GJA9: variants seen among roughly 807,000 people sequenced by gnomAD.
GJA9 encodes the protein gap junction protein alpha 9.
Under a neutral mutation model 0.4 loss-of-function variants are expected in GJA9, and 1 was observed. The ratio of observed to expected loss-of-function variants is 2.50; its 90% CI spans 0.89 to 11.88. The LOEUF (loss-of-function observed/expected upper bound fraction) is 11.88. Among genes scored for constraint, GJA9 ranks in the 30% most tolerant of loss-of-function variants. GJA9 has a pLI of 0.12. For synonymous variants in GJA9, 190 were observed against 219.1 expected (o/e 0.87, Z 1.17); for missense variants, 550 against 602.8 (o/e 0.91, Z 0.92).
At chr1:38,880,570 T>C (rs945755641) in intron 1 of GJA9, among the ~76,000 whole-genome samples, 4 of 150,470 alleles carry the variant, frequency 2.7e-5, no homozygotes, top group African/African-American at 9.7e-5. Context: ...GATTACGAGG[T>C]CAGGAGTTCG....
At chr1:38,879,805 C>CA (rs1225779934) in intron 1 of GJA9, among the ~76,000 whole-genome samples, 1 of 152,116 alleles carries the variant, frequency 6.6e-6, no homozygotes, top group Non-Finnish European at 1.5e-5. Flanking sequence ...CGGCTCACTG[C>CA]AAGCTCCGCC....
chr1:38,874,392 A>G lies in GJA9; in HGVS notation c.*159T>C, dbSNP rs762508929. The G allele has an allele frequency of 1.6e-5, 9 of 572,518 alleles. No individual in the cohort carries two copies. The highest frequency in any genetic ancestry group is 2.7e-5 in the Non-Finnish European group (9 of 328,378). 35.5% of individuals were successfully genotyped at this position (572,518 alleles called of 1,614,324 possible). A position where few individuals can be genotyped will look rare whatever the true frequency, so the allele number is the denominator to read the frequency against. On this transcript the variant is annotated 3_prime_UTR_variant, in exon 2 of 2. Coordinates refer to ENST00000357771, the MANE Select transcript of GJA9 (RefSeq NM_030772.5). ...TTGAATTTAGAAGTGTTGCTTCACA[A>G]TCTCGAATTAGAGCTGTTTTTCTCT...
At chr1:38,881,331 T>G in intron 1 of GJA9, 101 bp downstream of exon 1, 2 of 551,078 alleles carry the variant, frequency 3.6e-6, no homozygotes, top group South Asian at 4.8e-5. Flanking sequence ...ACATAAAAAC[T>G]GGTATACATA....
intron 1 of GJA9, among the ~76,000 whole-genome samples, chr1:38,878,161 C>G (rs1220668976): frequency 6.6e-6 from 1 of 151,898 alleles, no homozygotes; most frequent in Admixed American, 6.6e-5. Context: ...CCACTGCAAC[C>G]TCCACTTCCC....
chr1:38,874,282 G>A lies in GJA9; in HGVS notation c.*269C>T. On this transcript the variant is annotated 3_prime_UTR_variant, in exon 2 of 2. Transcript: ENST00000357771. ...GATCAAACCATTTAGCCTCAATTCTGAACATGTGATTTTCCCAAAATCAGT... is the reference window on the plus strand; with the variant it reads ...GATCAAACCATTTAGCCTCAATTCTAAACATGTGATTTTCCCAAAATCAGT... 1 of 399,450 alleles carries A rather than the reference G, an allele frequency of 2.5e-6. No individual in the cohort carries two copies. Among genetic ancestry groups the A allele is most frequent in the Non-Finnish European group, 4.5e-6 (1 of 221,130 alleles). 24.7% of individuals were successfully genotyped at this position (399,450 alleles called of 1,614,324 possible).
Position 38,875,038 on chromosome 1 carries a change from G to C in GJA9, c.1061C>G (p.Thr354Ser). 1 of 1,613,986 alleles carries C rather than the reference G, an allele frequency of 6.2e-7. No individual in the cohort carries two copies. Among genetic ancestry groups the C allele is most frequent in the Non-Finnish European group, 8.5e-7 (1 of 1,179,936 alleles). The change falls in exon 2 of 2, where the codon ACT becomes AGT. Residue 354 changes from threonine (T) to serine (S), a missense_variant. Coordinates refer to ENST00000357771, the MANE Select transcript of GJA9 (RefSeq NM_030772.5). Reference protein sequence around the residue: ...QHISSNNNKDTHKIFGKELNG... With the variant: ...QHISSNNNKDSHKIFGKELNG... The stretch of plus-strand genomic sequence containing the variant: ...AAGTTCTTTTCCAAATATTTTATGA[G>C]TGTCTTTGTTATTGTTTGAACTGAT...
At chr1:38,877,551 C>CAGTG (rs956948662) in intron 1 of GJA9, among the ~76,000 whole-genome samples, 1 of 151,760 alleles carries the variant, frequency 6.6e-6, no homozygotes, top group African/African-American at 2.4e-5. Context: ...GGCTGGAGTG[C>CAGTG]AGTGGCGCAA....
At chr1:38,881,234 AT>A (rs1290760654) in intron 1 of GJA9, among the ~76,000 whole-genome samples, 197 bp downstream of exon 1, 1 of 152,144 alleles carries the variant, frequency 6.6e-6, no homozygotes, top group African/African-American at 2.4e-5. Flanking sequence ...GAAAGAAAAT[AT>A]TTTTTTCATA....
Position 38,876,005 on chromosome 1 carries a change from A to G in GJA9, c.94T>C (p.Phe32Leu). The G allele has an allele frequency of 6.2e-7, 1 of 1,614,224 alleles. No homozygotes were observed. The highest frequency in any genetic ancestry group is 8.5e-7 in the Non-Finnish European group (1 of 1,180,042). Reference protein sequence around the residue: ...GKIWLTILFIFRMLVLGVAAE... With the variant: ...GKIWLTILFILRMLVLGVAAE... ...GCTACACCCAGAACAAGCATTCGAAATATGAACAGGATGGTGAGCCAGATC... is the reference window on the plus strand; with the variant it reads ...GCTACACCCAGAACAAGCATTCGAAGTATGAACAGGATGGTGAGCCAGATC... The change falls in exon 2 of 2, where the codon TTT becomes CTT. Residue 32 changes from phenylalanine (F) to leucine (L), a missense_variant. Coordinates refer to ENST00000357771, the MANE Select transcript of GJA9 (RefSeq NM_030772.5).
intron 1 of GJA9, among the ~76,000 whole-genome samples, chr1:38,877,658 C>T (rs576364907): frequency 5.9e-5 from 9 of 152,080 alleles, no homozygotes; most frequent in South Asian, 2.1e-4. Flanking sequence ...CAACACCCCC[C>T]GGGATAATTT....
At chr1:38,880,526 G>A (rs894577838) in intron 1 of GJA9, among the ~76,000 whole-genome samples, 1 of 151,608 alleles carries the variant, frequency 6.6e-6, no homozygotes, top group Non-Finnish European at 1.5e-5. Context: ...GCTCACGCCT[G>A]TAATCCCAGC....
rs774247987 is a variant in GJA9, at chr1:38,876,028, A to T, written c.71T>A (p.Ile24Asn). The change falls in exon 2 of 2, where the codon ATC (isoleucine) becomes AAC (asparagine). Residue 24 changes from isoleucine to asparagine, a missense_variant. By Grantham distance (149) the Ile-to-Asn change is moderately radical (BLOSUM62 -3). Transcript: ENST00000357771. ...AAATATGAACAGGATGGTGAGCCAGATCTTTCCAATCATGGTGGAGTGGAT... is the reference window on the plus strand; with the variant it reads ...AAATATGAACAGGATGGTGAGCCAGTTCTTTCCAATCATGGTGGAGTGGAT... ...VHIHSTMIGK[I>N]WLTILFIFRM... 2 of 1,614,176 alleles carry T rather than the reference A, an allele frequency of 1.2e-6. No homozygotes were observed. The highest frequency in any genetic ancestry group is 1.7e-6 in the Non-Finnish European group (2 of 1,180,044).
At position 38,875,077 on chromosome 1, in the gene GJA9, C is replaced by A; in HGVS notation, c.1022G>T (p.Ser341Ile). Reference protein sequence around the residue: ...NEISTLSTSCSHFQHISSNNN... With the variant: ...NEISTLSTSCIHFQHISSNNN... ...GTTTGAACTGATGTGTTGAAAATGA[C>A]TACAACTAGTACTAAGTGTGGAAAT... Residue 341 changes from serine (S) to isoleucine (I), a missense_variant, in exon 2 of 2, where the codon AGT (serine) becomes ATT (isoleucine). Transcript: ENST00000357771. The A allele has an allele frequency of 6.2e-7, 1 of 1,614,124 alleles. No individual in the cohort carries two copies. The highest frequency in any genetic ancestry group is 8.5e-7 in the Non-Finnish European group (1 of 1,180,008).
intron 1 of GJA9, 117 bp from the exon 2 acceptor site, chr1:38,876,310 G>A: frequency 1.7e-6 from 1 of 579,374 alleles, no homozygotes; most frequent in South Asian, 2.2e-5. Flanking sequence ...GTCTCCCTCT[G>A]TTGCCCAGGC....
Position 38,875,624 on chromosome 1 carries a change from TC to T in GJA9, c.474del (p.Ile159TyrfsTer14). 6.2e-7 allele frequency: 1 copy of T among 1,614,238 alleles called. No homozygotes were observed. On this transcript the variant is annotated frameshift_variant, in exon 2 of 2. Transcript: ENST00000357771. LOFTEE classifies it low-confidence loss of function (END_TRUNC). ...PLRGTLLCTYVIHIFTRSVVE... is the reference protein window; with the variant it reads ...PLRGTLLCTYXIHIFTRSVVE... ...ACCACAGAGCGAGTGAAAATGTGTA[TC>T]ACATAAGTGCAAAGCAAGGTTCCTC...
At chr1:38,880,904 T>A (rs1411726790) in intron 1 of GJA9, among the ~76,000 whole-genome samples, 1 of 152,102 alleles carries the variant, frequency 6.6e-6, no homozygotes, top group South Asian at 2.1e-4. Context: ...AAAATAATAA[T>A]ACAAGAAAAA....
chr1:38,877,294 C>T (rs1642605429), intron 1 of GJA9, among the ~76,000 whole-genome samples: 1 of 152,066 alleles, frequency 6.6e-6, no homozygotes, highest in African/African-American at 2.4e-5. Flanking sequence ...CCACCTCGGC[C>T]TCCCAAAGTG....
chr1:38,875,681 C>G lies in GJA9; in HGVS notation c.418G>C (p.Glu140Gln). 1 of 1,614,210 alleles carries G rather than the reference C, an allele frequency of 6.2e-7. No individual in the cohort carries two copies. The highest frequency in any genetic ancestry group is 8.5e-7 in the Non-Finnish European group (1 of 1,180,042). The part of the protein sequence containing the change: ...RRLEQELCQL[E>Q]KRKLNKAPLR... ...GGAGCTTTATTTAGTTTCCTTTTCTCCAGCTGACAAAGCTCTTGCTCCAAT... is the reference window on the plus strand; with the variant it reads ...GGAGCTTTATTTAGTTTCCTTTTCTGCAGCTGACAAAGCTCTTGCTCCAAT... Residue 140 changes from glutamate to glutamine, a missense_variant, in exon 2 of 2, where the codon GAG becomes CAG. By Grantham distance (29) the Glu-to-Gln change is conservative. Coordinates refer to ENST00000357771, the MANE Select transcript of GJA9 (RefSeq NM_030772.5).
chr1:38,875,504 C>T lies in GJA9; in HGVS notation c.595G>A (p.Asp199Asn), dbSNP rs566612670. Residue 199 changes from aspartate to asparagine, a missense_variant, in exon 2 of 2, where the codon GAC becomes AAC. Transcript: ENST00000357771. ...CHGHPCPNII[D>N]CFVSRPTEKT... ...TCTGTTGGTCTTGAGACAAAACAGT[C>T]GATTATATTTGGACACGGGTGGCCA... 8.1e-6 allele frequency: 13 copies of T among 1,614,060 alleles called. No individual in the cohort carries two copies. In the South Asian group the frequency reaches 8.8e-5, roughly 11 times the overall value.
Sources: allele counts gnomAD v4.1 joint callset (sites outside exome capture counted in the v4.1 genomes callset), GRCh38; gene constraint gnomAD v4.1.1; transcripts MANE v1.5; gene names NCBI Gene and HGNC (gene_info 2026-07-23, HGNC 2026-07-21).